Variants in RABGAP1L observed in about 807,000 individuals in gnomAD.
RABGAP1L encodes RAB GTPase activating protein 1 like, also known as rab GTPase-activating protein 1-like.
RABGAP1L carries 63 observed loss-of-function variants against 137.7 expected under a neutral mutation model. That is an observed-to-expected ratio of 0.46 (90% CI 0.37 to 0.56). The LOEUF (loss-of-function observed/expected upper bound fraction) is 0.56, where lower values mean the gene tolerates loss of function less well. Ranked by LOEUF, RABGAP1L falls within the 20% of genes least tolerant of loss-of-function variation. The probability of loss-of-function intolerance (pLI) is 0.00; values close to 1 mark genes in which losing one functional copy is unlikely to be tolerated. For synonymous variants in RABGAP1L, 431 were observed against 433.7 expected, an observed-to-expected ratio of 0.99 and a Z score of 0.08; for missense variants, 1,095 against 1,244.0, an observed-to-expected ratio of 0.88 and a Z score of 1.80.
chr1:174,477,911 G>T (rs1258357074), intron 13 of RABGAP1L, among the ~76,000 whole-genome samples: 1 of 151,860 alleles, frequency 6.6e-6, no homozygotes, highest in Non-Finnish European at 1.5e-5. Context: ...TATAAAACCT[G>T]CATGGTATAT....
At position 174,175,022 on chromosome 1, in the gene RABGAP1L, C is replaced by G. The variant is rs76438136; in HGVS notation, c.-34+15365C>G. On this transcript the variant is annotated intron_variant, in intron 1 of 25. Transcript: ENST00000681986. ...TGAAGGTGTCAAAGTATTTATATTA[C>G]TAAGATTTTTAAAATATGAAATAGG... is the stretch of plus-strand genomic sequence containing the variant. Among the ~76,000 whole-genome samples the G allele has an allele frequency of 2.9e-3, 439 of 152,248 alleles. 1 individual carries two copies. Among genetic ancestry groups the G allele is most frequent in the African/African-American group, 9.7e-3 (404 of 41,538 alleles).
At position 174,329,896 on chromosome 1, in the gene RABGAP1L, AT is replaced by A. The variant is rs879559006; in HGVS notation, c.1465+24778del. ...AAACAAGGAAAATTTCATAATAATA[AT>A]TTTTTTTTAAAAAAAGACTGATTTG... On this transcript the variant is annotated intron_variant, in intron 11 of 25. Coordinates refer to ENST00000681986, the MANE Select transcript of RABGAP1L (RefSeq NM_001366446.1). Among the ~76,000 whole-genome samples the A allele has an allele frequency of 6.8e-4, 103 of 150,622 alleles. 1 individual carries two copies. Among genetic ancestry groups the A allele is most frequent in the South Asian group, 5.8e-3 (28 of 4,792 alleles).
chr1:174,436,884 G>T (rs1421240282), intron 13 of RABGAP1L, among the ~76,000 whole-genome samples: 1 of 152,188 alleles, frequency 6.6e-6, no homozygotes, highest in African/African-American at 2.4e-5. Flanking sequence ...CCAGAGGAAC[G>T]ATCAGGCAGC....
chr1:174,400,344 A>G (rs1434653622), intron 13 of RABGAP1L, among the ~76,000 whole-genome samples: 2 of 152,092 alleles, frequency 1.3e-5, no homozygotes, highest in African/African-American at 4.8e-5. Flanking sequence ...TGTGCTTGCA[A>G]TTGATTAATG....
intron 13 of RABGAP1L, among the ~76,000 whole-genome samples, chr1:174,445,707 T>C (rs771350386): frequency 6.6e-6 from 1 of 152,160 alleles, no homozygotes; most frequent in Non-Finnish European, 1.5e-5. Context: ...AATTAATAAG[T>C]TTTTTCTGCC....
chr1:174,965,029 C>A, intron 20 of RABGAP1L: 1 of 1,345,144 alleles, frequency 7.4e-7, no homozygotes, highest in South Asian at 1.3e-5. Context: ...ACATCAGTGT[C>A]TGTCTCTTTG....
intron 13 of RABGAP1L, among the ~76,000 whole-genome samples, chr1:174,606,915 T>A (rs999993965): frequency 2.0e-5 from 3 of 152,204 alleles, no homozygotes; most frequent in Non-Finnish European, 4.4e-5. Context: ...ATATTAAATA[T>A]GGTAACTTTC....
chr1:174,825,371 T>C (rs1383970040), intron 19 of RABGAP1L, among the ~76,000 whole-genome samples: 2 of 152,202 alleles, frequency 1.3e-5, no homozygotes, highest in Non-Finnish European at 2.9e-5. Context: ...CTTATTCTGT[T>C]ATCCCTAACC....
intron 19 of RABGAP1L, among the ~76,000 whole-genome samples, chr1:174,826,567 A>G (rs989826088): frequency 1.3e-5 from 2 of 152,158 alleles, no homozygotes; most frequent in Admixed American, 1.3e-4. Flanking sequence ...CACCTGCTTG[A>G]TTCTAAGTCT....
chr1:174,558,326 T>A (rs1053792368), intron 13 of RABGAP1L, among the ~76,000 whole-genome samples: 1 of 152,226 alleles, frequency 6.6e-6, no homozygotes, highest in Non-Finnish European at 1.5e-5. Flanking sequence ...CTAAGGAAAT[T>A]CTTTGTGCTG....
At chr1:174,770,650 A>G (rs573611117) in intron 18 of RABGAP1L, among the ~76,000 whole-genome samples, 2 of 152,344 alleles carry the variant, frequency 1.3e-5, no homozygotes, top group South Asian at 4.1e-4. Flanking sequence ...TGTGAGCAAA[A>G]TAAGTACTCA....
chr1:174,202,931 T>G (rs968059516), intron 1 of RABGAP1L, among the ~76,000 whole-genome samples: 2 of 152,112 alleles, frequency 1.3e-5, no homozygotes, highest in African/African-American at 2.4e-5. Flanking sequence ...TTGCTTCTTT[T>G]TGTCAGGTTT....
At chr1:174,774,799 G>C (rs1686400718) in intron 18 of RABGAP1L, among the ~76,000 whole-genome samples, 1 of 152,144 alleles carries the variant, frequency 6.6e-6, no homozygotes, top group Non-Finnish European at 1.5e-5. Flanking sequence ...AGGATCACTT[G>C]GGCCTGAGGG....
intron 13 of RABGAP1L, among the ~76,000 whole-genome samples, chr1:174,496,712 C>T (rs1660763801): frequency 6.6e-6 from 1 of 152,180 alleles, no homozygotes; most frequent in Admixed American, 6.5e-5. Flanking sequence ...CCACCATGAC[C>T]ATGAAACAAC....
chr1:174,685,555 A>C (rs554011296), intron 15 of RABGAP1L, among the ~76,000 whole-genome samples: 19 of 139,808 alleles, frequency 1.4e-4, no homozygotes, highest in Non-Finnish European at 2.5e-4. Context: ...GCCGGCCTTT[A>C]TTTATTTATT....
At chr1:174,399,945 A>G (rs902770291) in intron 13 of RABGAP1L, among the ~76,000 whole-genome samples, 1 of 152,146 alleles carries the variant, frequency 6.6e-6, no homozygotes, top group East Asian at 1.9e-4. Context: ...CAGCCAAACC[A>G]TATCATATTT....
chr1:174,195,031 A>AAT (rs147087333), intron 1 of RABGAP1L, among the ~76,000 whole-genome samples: 33,903 of 151,894 alleles, frequency 0.22, 4,187 homozygotes, highest in Middle Eastern at 0.26. Flanking sequence ...GATAACCTGG[A>AAT]ATATATATAT....
At chr1:174,518,148 G>T (rs539254686) in intron 13 of RABGAP1L, among the ~76,000 whole-genome samples, 1 of 152,246 alleles carries the variant, frequency 6.6e-6, no homozygotes, top group Admixed American at 6.5e-5. Flanking sequence ...TGAGATTCTG[G>T]TCATCTGAGA....
chr1:174,210,777 G>A (rs1272018881), intron 1 of RABGAP1L, among the ~76,000 whole-genome samples: 1 of 152,162 alleles, frequency 6.6e-6, no homozygotes, highest in African/African-American at 2.4e-5. Context: ...AAAGGAAGAT[G>A]ATGTCTGCCT....
Sources: gnomAD v4.1 joint callset for allele counts (sites outside exome capture counted in the v4.1 genomes callset) on GRCh38, gnomAD v4.1.1 for gene constraint, MANE v1.5 for transcripts, NCBI Gene and HGNC (gene_info 2026-07-23, HGNC 2026-07-21) for gene names.